NECAB2: variants seen among roughly 807,000 people sequenced by gnomAD.
NECAB2 encodes the protein N-terminal EF-hand calcium-binding protein 2.
A neutral mutation model predicts 51.9 loss-of-function variants in NECAB2; 68 were observed. That is an observed-to-expected ratio of 1.31 (90% CI 1.08 to 1.60). The LOEUF is 1.60. Among genes scored for constraint, NECAB2 ranks in the 40% most tolerant of loss-of-function variants. The pLI is 0.00. For missense variants in NECAB2, 854 were observed against 490.3 expected, an observed-to-expected ratio of 1.74 and a Z score of -7.00; for synonymous variants, 329 against 203.5, an observed-to-expected ratio of 1.62 and a Z score of -5.25.
intron 2 of NECAB2, among the ~76,000 whole-genome samples, chr16:83,977,346 C>G (rs1176348194): frequency 1.3e-5 from 2 of 152,084 alleles, no homozygotes; most frequent in Non-Finnish European, 2.9e-5. Context: ...AGCTTGCTGG[C>G]ATTTGCTCAG....
chr16:83,977,971 G>T (rs965659979), intron 2 of NECAB2, among the ~76,000 whole-genome samples: 1 of 152,178 alleles, frequency 6.6e-6, no homozygotes, highest in Admixed American at 6.5e-5. Context: ...ACTTCATACC[G>T]ATGGTGTGAC....
intron 10 of NECAB2, among the ~76,000 whole-genome samples, chr16:83,998,545 G>A (rs1051440631): frequency 6.6e-6 from 1 of 152,142 alleles, no homozygotes; most frequent in Non-Finnish European, 1.5e-5. Flanking sequence ...CATCTGTAAA[G>A]GGGGGACCAC....
At chr16:83,984,086 C>T (rs1292993823) in intron 5 of NECAB2, among the ~76,000 whole-genome samples, 1 of 151,306 alleles carries the variant, frequency 6.6e-6, no homozygotes, top group African/African-American at 2.4e-5. Flanking sequence ...AGCTCCGCCT[C>T]CCGGGTTCAC....
intron 10 of NECAB2, among the ~76,000 whole-genome samples, 159 bp downstream of exon 10, chr16:83,998,476 G>A (rs536593826): frequency 1.2e-4 from 18 of 152,290 alleles, no homozygotes; most frequent in Non-Finnish European, 2.5e-4. Context: ...TCTCTACTGA[G>A]GTTCCTCCCA....
chr16:83,978,129 A>C (rs946753245), intron 2 of NECAB2, among the ~76,000 whole-genome samples: 3 of 152,186 alleles, frequency 2.0e-5, no homozygotes. Context: ...GAGCCCAAGA[A>C]AGCTAGCTAT....
upstream of NECAB2, among the ~76,000 whole-genome samples, chr16:83,968,179 C>A (rs1360783989): frequency 6.6e-6 from 1 of 151,082 alleles, no homozygotes; most frequent in African/African-American, 2.4e-5. Flanking sequence ...GGGGCGTGGG[C>A]GCCGCTCCCC....
In NECAB2 at chr16:84,000,920, G is replaced by A. The variant is rs543122953; in HGVS notation, c.1040+119G>A. ...GGCCGAGTCCAGTCAGCAGATTCCC[G>A]AGGCATCTACCCGCTGGCATGCTTG... is the stretch of plus-strand genomic sequence containing the variant. On this transcript the variant is annotated intron_variant, in intron 11 of 12. Transcript: ENST00000305202. 416 of 977,602 alleles carry A rather than the reference G, an allele frequency of 4.3e-4. 3 individuals carry two copies. In the African/African-American group the frequency reaches 5.6e-3, roughly 13 times the overall value. The allele number at this position is 977,602 out of a possible 1,614,324, so 60.6% of individuals were successfully genotyped here. A position where few individuals can be genotyped will look rare whatever the true frequency, so the allele number is the denominator to read the frequency against.
chr16:84,001,590 T>A (rs111438710), intron 11 of NECAB2, among the ~76,000 whole-genome samples: 4,427 of 151,988 alleles, frequency 0.029, 231 homozygotes, highest in African/African-American at 0.1. Context: ...GTGCAATGAG[T>A]GGGGGGATCC....
At chr16:83,978,354 A>C in intron 2 of NECAB2, 90 bp from the exon 3 acceptor site, 1 of 961,936 alleles carries the variant, frequency 1.0e-6, no homozygotes, top group Non-Finnish European at 1.6e-6. Context: ...CAGTCAGGCC[A>C]TTGACTGGAT....
chr16:83,977,029 C>T (rs1336854777), intron 2 of NECAB2, among the ~76,000 whole-genome samples: 5 of 152,252 alleles, frequency 3.3e-5, no homozygotes, highest in African/African-American at 1.2e-4. Context: ...GTTTCAAATC[C>T]AGGCTGCAAT....
chr16:83,970,427 A>G (rs1348632918), intron 1 of NECAB2, among the ~76,000 whole-genome samples: 1 of 152,060 alleles, frequency 6.6e-6, no homozygotes, highest in African/African-American at 2.4e-5. Flanking sequence ...TGGATCTTTG[A>G]GGAGGGCTTG....
chr16:83,982,839 G>C (rs2084506041), intron 5 of NECAB2, among the ~76,000 whole-genome samples: 1 of 151,898 alleles, frequency 6.6e-6, no homozygotes, highest in Non-Finnish European at 1.5e-5. Flanking sequence ...TCCGTGATTG[G>C]CATTTCCTTT....
Position 84,000,814 on chromosome 16 carries a change from G to C in NECAB2, c.1040+13G>C, listed in dbSNP as rs535185414. On this transcript the variant is annotated intron_variant, in intron 11 of 12. Coordinates refer to ENST00000305202, the MANE Select transcript of NECAB2 (RefSeq NM_019065.3). Reference sequence around the variant, plus strand: ...AGGCGTGGAAGAGGTGAGATGCTGGGTCCCCACAGCAGGTGAGGGAGACAG... The same window carrying C: ...AGGCGTGGAAGAGGTGAGATGCTGGCTCCCCACAGCAGGTGAGGGAGACAG... The C allele has an allele frequency of 6.2e-7, 1 of 1,613,044 alleles. No individual in the cohort carries two copies. Among genetic ancestry groups the C allele is most frequent in the Admixed American group, 1.7e-5 (1 of 60,020 alleles).
intron 2 of NECAB2, among the ~76,000 whole-genome samples, chr16:83,974,172 A>T (rs2084379274): frequency 6.6e-6 from 1 of 152,034 alleles, no homozygotes; most frequent in East Asian, 1.9e-4. Flanking sequence ...CACCAGGGTG[A>T]ATGTGGGTGT....
chr16:84,002,217 C>G lies in NECAB2; in HGVS notation c.1133-101C>G, dbSNP rs1035395009. 3.0e-5 allele frequency: 43 copies of G among 1,445,362 alleles called. No individual in the cohort carries two copies. The Admixed American group carries it at 7.0e-4, about 24-fold the overall frequency. The allele number at this position is 1,445,362 out of a possible 1,614,324, so 89.5% of individuals were successfully genotyped here. ...CAAGGACCTGTGTGTCACACAAGGA[C>G]TCAAAGCCATCCCCCGACCTGTCAT... On this transcript the variant is annotated intron_variant, in intron 12 of 12. Transcript: ENST00000305202.
At chr16:83,998,915 G>A (rs1567679429) in intron 10 of NECAB2, among the ~76,000 whole-genome samples, 1 of 152,186 alleles carries the variant, frequency 6.6e-6, no homozygotes, top group Non-Finnish European at 1.5e-5. Context: ...ATGTGGCCAG[G>A]GCCAGAGTGG....
chr16:83,996,756 C>G (rs1446307295), intron 8 of NECAB2, among the ~76,000 whole-genome samples: 1 of 152,164 alleles, frequency 6.6e-6, no homozygotes, highest in East Asian at 1.9e-4. Flanking sequence ...GATGTGGTTC[C>G]TGGAGACCGA....
chr16:84,002,401 A>C lies in NECAB2; in HGVS notation c.*55A>C, dbSNP rs748044341. The C allele has an allele frequency of 6.4e-5, 100 of 1,562,884 alleles. 1 individual carries two copies. In the Admixed American group the frequency reaches 9.2e-4, roughly 14 times the overall value. ...ACCAGCCCCTTCTTCTTGTGAAGGA[A>C]ATCCCGTTTTTTTCTAGACAGACAC... On this transcript the variant is annotated 3_prime_UTR_variant, in exon 13 of 13. Transcript: ENST00000305202.
chr16:83,970,137 G>C (rs573149373), intron 1 of NECAB2, among the ~76,000 whole-genome samples: 87 of 152,292 alleles, frequency 5.7e-4, no homozygotes, highest in African/African-American at 1.8e-3. Context: ...CTGCATGGAA[G>C]CCCTGCCCAG....
Sources: gnomAD v4.1 joint callset for allele counts (sites outside exome capture counted in the v4.1 genomes callset) on GRCh38, gnomAD v4.1.1 for gene constraint, MANE v1.5 for transcripts, NCBI Gene and HGNC (gene_info 2026-07-23, HGNC 2026-07-21) for gene names.